The following CACNA1A variants were observed in gnomAD, a reference collection of about 807,000 sequenced individuals.
The protein encoded by CACNA1A is calcium voltage-gated channel subunit alpha1 A, also known as voltage-dependent P/Q-type calcium channel subunit alpha-1A.
CACNA1A carries 57 observed loss-of-function variants against 262.4 expected under a neutral mutation model. That is an observed-to-expected ratio of 0.22 (90% CI 0.18 to 0.27). The LOEUF (loss-of-function observed/expected upper bound fraction) is 0.27. Among genes scored for constraint, CACNA1A ranks in the 10% least tolerant of loss-of-function variants. The probability of loss-of-function intolerance (pLI) is 1.00; values close to 1 mark genes in which losing one functional copy is unlikely to be tolerated. For synonymous variants in CACNA1A, 1,431 were observed against 1,419.3 expected, an observed-to-expected ratio of 1.01 and a Z score of -0.18; for missense variants, 2,526 against 3,562.8, an observed-to-expected ratio of 0.71 and a Z score of 7.41.
chr19:13,453,060 T>C (rs772162005), intron 2 of CACNA1A, 45 bp from the exon 3 acceptor site: 3 of 1,610,434 alleles, frequency 1.9e-6, no homozygotes, highest in Non-Finnish European at 2.5e-6. Context: ...GCTGGGCAGA[T>C]GTTGACAAGA....
chr19:13,298,708 C>A lies in CACNA1A; in HGVS notation c.2925G>T (p.Arg975=). 6.8e-7 allele frequency: 1 copy of A among 1,466,738 alleles called. No homozygotes were observed. The highest frequency in any genetic ancestry group is 9.0e-7 in the Non-Finnish European group (1 of 1,113,506). 90.9% of individuals were successfully genotyped at this position (1,466,738 alleles called of 1,614,324 possible). A position where few individuals can be genotyped will look rare whatever the true frequency, so the allele number is the denominator to read the frequency against. The change falls in exon 19 of 47, where the codon CGG becomes CGT. Residue 975 remains arginine (R), a synonymous_variant. Coordinates refer to ENST00000360228, the MANE Select transcript of CACNA1A (RefSeq NM_001127222.2). The part of the protein sequence containing the change: ...GEEGPEDKAE[R]RARHREGSRP... ...GGCTGCCCTCGCGGTGCCGCGCCCT[C>A]CGCTCCGCCTTGTCCTCCGGACCCT...
intron 11 of CACNA1A, chr19:13,315,820 G>C (rs2058116227): frequency 1.3e-5 from 2 of 152,322 alleles, no homozygotes; most frequent in South Asian, 4.1e-4. Flanking sequence ...AACCAGGTCA[G>C]AAGGTCAGTG....
intron 6 of CACNA1A, among the ~76,000 whole-genome samples, chr19:13,343,969 G>T (rs887881775): frequency 2.0e-5 from 3 of 152,162 alleles, no homozygotes; most frequent in Non-Finnish European, 2.9e-5. Flanking sequence ...CCAGCACTTT[G>T]GGGGGCTAAG....
intron 3 of CACNA1A, among the ~76,000 whole-genome samples, chr19:13,442,922 G>T (rs2060750146): frequency 1.3e-5 from 2 of 152,154 alleles, no homozygotes; most frequent in African/African-American, 4.8e-5. Context: ...AATAGCGTAG[G>T]ATTCAAGAAA....
intron 1 of CACNA1A, among the ~76,000 whole-genome samples, chr19:13,492,198 A>G (rs1160742792): frequency 1.3e-5 from 2 of 152,188 alleles, no homozygotes; most frequent in African/African-American, 2.4e-5. Flanking sequence ...GAGCCATGAC[A>G]TGCCTCAATT....
intron 6 of CACNA1A, among the ~76,000 whole-genome samples, chr19:13,336,626 A>C (rs1038847215): frequency 2.7e-5 from 4 of 148,222 alleles, no homozygotes; most frequent in Non-Finnish European, 3.0e-5. Context: ...AGAGAGAGAG[A>C]GAGAGAGAGA....
At chr19:13,331,054 A>G (rs1018301249) in intron 9 of CACNA1A, among the ~76,000 whole-genome samples, 5 of 152,098 alleles carry the variant, frequency 3.3e-5, no homozygotes, top group African/African-American at 1.2e-4. Flanking sequence ...GACTTCCAAT[A>G]AAAAGATTTA....
intron 6 of CACNA1A, among the ~76,000 whole-genome samples, chr19:13,348,371 G>A (rs1372120563): frequency 6.6e-6 from 1 of 151,696 alleles, no homozygotes; most frequent in East Asian, 1.9e-4. Context: ...AGAAGGAGGT[G>A]GAGAAAGAGA....
Position 13,506,006 on chromosome 19 carries a change from C to T in CACNA1A, c.219G>A (p.Thr73=). 2 of 1,613,998 alleles carry T rather than the reference C, an allele frequency of 1.2e-6. No homozygotes were observed. Among genetic ancestry groups the T allele is most frequent in the African/African-American group, 1.3e-5 (1 of 75,070 alleles). ...NPIPVRQNCL[T]VNRSLFLFSE... Reference sequence around the variant, plus strand: ...TGAAGAGGAAGAGAGACCGGTTAACCGTGAGGCAGTTCTGTCGGACGGGGA... The same window carrying T: ...TGAAGAGGAAGAGAGACCGGTTAACTGTGAGGCAGTTCTGTCGGACGGGGA... Residue 73 remains threonine, a synonymous_variant, in exon 1 of 47, where the codon ACG becomes ACA. Coordinates refer to ENST00000360228, the MANE Select transcript of CACNA1A (RefSeq NM_001127222.2).
In CACNA1A at chr19:13,498,579, G is replaced by A. The variant is rs555818759; in HGVS notation, c.293+7353C>T. On this transcript the variant is annotated intron_variant, in intron 1 of 46. Coordinates refer to ENST00000360228, the MANE Select transcript of CACNA1A (RefSeq NM_001127222.2). ...ACTCACGGCTGCTCCCAGTCTGAAC[G>A]GCAGATAAAGCCGTGTCTGACCGAA... 1.4e-4 allele frequency among the ~76,000 whole-genome samples: 22 copies of A among 152,228 alleles called. No individual in the cohort carries two copies. The East Asian group carries it at 3.7e-3, about 25-fold the overall frequency.
At chr19:13,261,731 A>T in intron 25 of CACNA1A, 121 bp from the exon 26 acceptor site, 1 of 973,806 alleles carries the variant, frequency 1.0e-6, no homozygotes, top group Non-Finnish European at 1.5e-6. Context: ...CAAGGTCATA[A>T]GTCAAGTCAC....
intron 15 of CACNA1A, among the ~76,000 whole-genome samples, chr19:13,306,141 G>T (rs2057898303): frequency 6.6e-6 from 1 of 151,958 alleles, no homozygotes; most frequent in Non-Finnish European, 1.5e-5. Context: ...CTGTCTTGGG[G>T]TCTCATTTAG....
chr19:13,418,099 T>C (rs918508607), intron 3 of CACNA1A, among the ~76,000 whole-genome samples: 1 of 152,202 alleles, frequency 6.6e-6, no homozygotes, highest in Non-Finnish European at 1.5e-5. Context: ...GTTTGAATCC[T>C]GGCTCTGCCA....
At chr19:13,265,969 C>T (rs1425004608) in intron 24 of CACNA1A, among the ~76,000 whole-genome samples, 4 of 151,932 alleles carry the variant, frequency 2.6e-5, no homozygotes, top group South Asian at 2.1e-4. Flanking sequence ...CTCAGCCTCC[C>T]GAGTAGCTGG....
In CACNA1A at chr19:13,298,923, G is replaced by T. The variant is rs1321521148; in HGVS notation, c.2710C>A (p.His904Asn). The T allele has an allele frequency of 1.6e-5, 26 of 1,594,620 alleles. No homozygotes were observed. Among genetic ancestry groups the T allele is most frequent in the Non-Finnish European group, 2.2e-5 (26 of 1,177,966 alleles). ...TGCTCCAGGCTGCCCTCCCGGGCGT[G>T]GTGGTCCGACTCGCGGCCGTAGGGT... ...EGPYGRESDHHAREGSLEQPG... is the reference protein window; with the variant it reads ...EGPYGRESDHNAREGSLEQPG... The change falls in exon 19 of 47, where the codon CAC (histidine) becomes AAC (asparagine). Residue 904 changes from histidine (H) to asparagine (N), a missense_variant. His to Asn is a moderately conservative substitution (Grantham distance 68). This residue lies in a region of CACNA1A where 765 missense variants were observed against 748.6 expected (regional missense o/e 1.02). Coordinates refer to ENST00000360228, the MANE Select transcript of CACNA1A (RefSeq NM_001127222.2).
intron 3 of CACNA1A, among the ~76,000 whole-genome samples, chr19:13,441,306 G>C (rs959051637): frequency 1.3e-5 from 2 of 152,100 alleles, no homozygotes; most frequent in Non-Finnish European, 2.9e-5. Context: ...CTCATTTAGA[G>C]ATGCCTGCAC....
At chr19:13,240,928 C>T (rs937299397) in intron 31 of CACNA1A, among the ~76,000 whole-genome samples, 2 of 152,264 alleles carry the variant, frequency 1.3e-5, no homozygotes, top group African/African-American at 4.8e-5. Flanking sequence ...AAGTCTGGCA[C>T]TTCTGAGTTC....
chr19:13,446,984 G>A (rs1452310441), intron 3 of CACNA1A, among the ~76,000 whole-genome samples: 1 of 152,052 alleles, frequency 6.6e-6, no homozygotes, highest in Non-Finnish European at 1.5e-5. Context: ...TAAAATTTGA[G>A]CAATGTGCCT....
intron 3 of CACNA1A, among the ~76,000 whole-genome samples, chr19:13,401,373 C>A (rs2059897403): frequency 6.6e-6 from 1 of 152,130 alleles, no homozygotes. Context: ...AATAAAGCAC[C>A]CACTGAGTAG....
Sources: gnomAD v4.1 joint callset for allele counts (sites outside exome capture counted in the v4.1 genomes callset) on GRCh38, gnomAD v4.1.1 for gene constraint, gnomAD v4.1.1 regional missense constraint, MANE v1.5 for transcripts, NCBI Gene and HGNC (gene_info 2026-07-23, HGNC 2026-07-21) for gene names.